METTL14: variants seen among roughly 807,000 people sequenced by gnomAD.
The protein encoded by METTL14 is N(6)-adenosine-methyltransferase non-catalytic subunit METTL14.
METTL14 carries 32 observed loss-of-function variants against 62.4 expected under a neutral mutation model. The ratio of observed to expected loss-of-function variants is 0.51; its 90% CI spans 0.39 to 0.69. The LOEUF (loss-of-function observed/expected upper bound fraction) is 0.69, where lower values mean the gene tolerates loss of function less well. METTL14 is among the 30% of genes least tolerant of loss of function. The probability of loss-of-function intolerance (pLI) is 0.00; values close to 1 mark genes in which losing one functional copy is unlikely to be tolerated. For missense variants in METTL14, 340 were observed against 551.9 expected (o/e 0.62, Z 3.85); for synonymous variants, 150 against 180.0 (o/e 0.83, Z 1.34).
At position 118,710,233 on chromosome 4, in the gene METTL14, C is replaced by T. The variant is rs930748282; in HGVS notation, c.1302C>T (p.Phe434=). ...GRGRERNRSN[F]RGERGGFRGG... ...GACGAGAAAGAAATAGATCTAACTT[C>T]CGAGGAGAAAGAGGTGGCTTTAGAG... is the stretch of plus-strand genomic sequence containing the variant. Residue 434 remains phenylalanine (F), a synonymous_variant, in exon 11 of 11, where the codon TTC becomes TTT. Coordinates refer to ENST00000388822, the MANE Select transcript of METTL14 (RefSeq NM_020961.4). 6.2e-7 allele frequency: 1 copy of T among 1,614,068 alleles called. No homozygotes were observed. Among genetic ancestry groups the T allele is most frequent in the Non-Finnish European group, 8.5e-7 (1 of 1,180,038 alleles).
Position 118,700,591 on chromosome 4 carries a change from A to G in METTL14, c.687A>G (p.Ser229=). The G allele has an allele frequency of 6.2e-7, 1 of 1,613,200 alleles. No individual in the cohort carries two copies. The highest frequency in any genetic ancestry group is 1.1e-5 in the South Asian group (1 of 91,032). Residue 229 remains serine (S), a synonymous_variant, in exon 8 of 11, where the codon TCA becomes TCG. Coordinates refer to ENST00000388822, the MANE Select transcript of METTL14 (RefSeq NM_020961.4). The part of the protein sequence containing the change: ...LEIDEIAAPR[S]FIFLWCGSGE... ...TTGATGAGATTGCAGCACCTCGATC[A>G]TTTATTTTTCTCTGGTGTGGTTCTG...
rs546956161 is a variant in METTL14 at position 118,710,885 on chromosome 4, G to C, written c.*583G>C. On this transcript the variant is annotated 3_prime_UTR_variant, in exon 11 of 11. Transcript: ENST00000388822. ...TAGGGGAGGTGGAGATTCCAGGGGT[G>C]GGTGAAAGAAGAGATAGAACTTAGC... 4.6e-5 allele frequency: 7 copies of C among 151,492 alleles called. No homozygotes were observed. The East Asian group carries it at 1.4e-3, about 29-fold the overall frequency. 9.4% of individuals were successfully genotyped at this position (151,492 alleles called of 1,614,324 possible).
rs1039435696 is a variant in METTL14, at chr4:118,713,825, A to G, written c.*3523A>G. Reference sequence around the variant, plus strand: ...TCCATTGAAGACTTCATTTCTGGAAATACCACATTGCTTCTGCTCTCAATA... The same window carrying G: ...TCCATTGAAGACTTCATTTCTGGAAGTACCACATTGCTTCTGCTCTCAATA... On this transcript the variant is annotated 3_prime_UTR_variant, in exon 11 of 11. Coordinates refer to ENST00000388822, the MANE Select transcript of METTL14 (RefSeq NM_020961.4). 8 of 152,378 alleles carry G rather than the reference A, an allele frequency of 5.3e-5. No homozygotes were observed. Among genetic ancestry groups the G allele is most frequent in the African/African-American group, 1.7e-4 (7 of 41,592 alleles). The allele number at this position is 152,378 out of a possible 1,614,324, so 9.4% of individuals were successfully genotyped here.
Position 118,697,176 on chromosome 4 carries a change from AAATAGGTACTTAC to A in METTL14, c.504-3_513del. On this transcript the variant is annotated splice_acceptor_variant and splice_polypyrimidine_tract_variant and coding_sequence_variant and intron_variant, in exon 7 of 11. Coordinates refer to ENST00000388822, the MANE Select transcript of METTL14 (RefSeq NM_020961.4). LOFTEE classifies it high-confidence loss of function. Reference sequence around the variant, plus strand: ...AAACCTCATTTTTAATGCTTTAATCAAATAGGTACTTACAAGCCGATATAGAAGCCTTTGACAT... The same window carrying A: ...AAACCTCATTTTTAATGCTTTAATCAAAGCCGATATAGAAGCCTTTGACAT... The A allele has an allele frequency of 6.4e-7, 1 of 1,573,116 alleles. No homozygotes were observed. Among genetic ancestry groups the A allele is most frequent in the Non-Finnish European group, 8.6e-7 (1 of 1,167,668 alleles).
intron 8 of METTL14, among the ~76,000 whole-genome samples, chr4:118,701,973 C>T (rs572386068): frequency 1.2e-3 from 182 of 152,164 alleles, no homozygotes; most frequent in African/African-American, 4.2e-3. Context: ...GGTGTTGGCT[C>T]TTCAAGATGC....
At position 118,713,242 on chromosome 4, in the gene METTL14, G is replaced by T. The variant is rs1429036609; in HGVS notation, c.*2940G>T. ...TCTCCCTTATTCTGAGGCCAGGTCAGTGATATGCTATAGTTTCATTTAAGT... is the reference window on the plus strand; with the variant it reads ...TCTCCCTTATTCTGAGGCCAGGTCATTGATATGCTATAGTTTCATTTAAGT... On this transcript the variant is annotated 3_prime_UTR_variant, in exon 11 of 11. Transcript: ENST00000388822. The T allele has an allele frequency of 6.6e-6, 1 of 152,214 alleles. No homozygotes were observed. The highest frequency in any genetic ancestry group is 1.5e-5 in the Non-Finnish European group (1 of 68,048). The allele number at this position is 152,214 out of a possible 1,614,324, so 9.4% of individuals were successfully genotyped here.
rs1579080653 is a variant in METTL14, at chr4:118,712,650, A to G, written c.*2348A>G. The G allele has an allele frequency of 6.6e-6, 1 of 152,138 alleles. No individual in the cohort carries two copies. Among genetic ancestry groups the G allele is most frequent in the African/African-American group, 2.4e-5 (1 of 41,426 alleles). 9.4% of individuals were successfully genotyped at this position (152,138 alleles called of 1,614,324 possible). ...AAAAAAAAAAAATTGTATAGAAATA[A>G]ATTTTTAGTTGCTTTATGCACTAAT... On this transcript the variant is annotated 3_prime_UTR_variant, in exon 11 of 11. Transcript: ENST00000388822.
rs1725003354 is a variant in METTL14, at chr4:118,714,555, T to C, written c.*4253T>C. 6.6e-6 allele frequency: 1 copy of C among 152,224 alleles called. No individual in the cohort carries two copies. The highest frequency in any genetic ancestry group is 6.5e-5 in the Admixed American group (1 of 15,280). 9.4% of individuals were successfully genotyped at this position (152,224 alleles called of 1,614,324 possible). A position where few individuals can be genotyped will look rare whatever the true frequency, so the allele number is the denominator to read the frequency against. ...TGCATTCATAGAACTAAAAAAAATTTAACTTGGCTAACAAAATACCACATG... is the reference window on the plus strand; with the variant it reads ...TGCATTCATAGAACTAAAAAAAATTCAACTTGGCTAACAAAATACCACATG... On this transcript the variant is annotated 3_prime_UTR_variant, in exon 11 of 11. Transcript: ENST00000388822.
At chr4:118,705,485 A>G in intron 9 of METTL14, 126 bp from the exon 10 acceptor site, 1 of 791,592 alleles carries the variant, frequency 1.3e-6, no homozygotes, top group Admixed American at 2.5e-5. Flanking sequence ...AAAAGAAGAG[A>G]AATAACTGTA....
chr4:118,685,777 C>T (rs182366498), intron 1 of METTL14, among the ~76,000 whole-genome samples, 177 bp downstream of exon 1: 40 of 152,110 alleles, frequency 2.6e-4, no homozygotes, highest in African/African-American at 9.2e-4. Flanking sequence ...TCGCGGTGTC[C>T]CGAATGTTTT....
At chr4:118,702,999 T>C (rs959548880) in intron 8 of METTL14, among the ~76,000 whole-genome samples, 1 of 149,518 alleles carries the variant, frequency 6.7e-6, no homozygotes, top group Non-Finnish European at 1.5e-5. Context: ...CTGGGATACA[T>C]GTGCAGAACG....
At position 118,712,312 on chromosome 4, in the gene METTL14, C is replaced by G. The variant is rs1560887492; in HGVS notation, c.*2010C>G. On this transcript the variant is annotated 3_prime_UTR_variant, in exon 11 of 11. Coordinates refer to ENST00000388822, the MANE Select transcript of METTL14 (RefSeq NM_020961.4). ...GTCTTCTTTATATTTACATGTCTTACATTCCACAAAATTATTTAGAAATGC... is the reference window on the plus strand; with the variant it reads ...GTCTTCTTTATATTTACATGTCTTAGATTCCACAAAATTATTTAGAAATGC... 1 of 152,262 alleles carries G rather than the reference C, an allele frequency of 6.6e-6. No individual in the cohort carries two copies. The highest frequency in any genetic ancestry group is 1.9e-4 in the East Asian group (1 of 5,178). The allele number at this position is 152,262 out of a possible 1,614,324, so 9.4% of individuals were successfully genotyped here. A position where few individuals can be genotyped will look rare whatever the true frequency, so the allele number is the denominator to read the frequency against.
Position 118,700,603 on chromosome 4 carries a change from C to G in METTL14, c.699C>G (p.Leu233=). 1 of 1,612,852 alleles carries G rather than the reference C, an allele frequency of 6.2e-7. No individual in the cohort carries two copies. The highest frequency in any genetic ancestry group is 8.5e-7 in the Non-Finnish European group (1 of 1,179,230). The change falls in exon 8 of 11, where the codon CTC becomes CTG. Residue 233 remains leucine (L), a synonymous_variant. Coordinates refer to ENST00000388822, the MANE Select transcript of METTL14 (RefSeq NM_020961.4). ...CAGCACCTCGATCATTTATTTTTCT[C>G]TGGTGTGGTTCTGGGGAGGGGTTGG... ...EIAAPRSFIF[L]WCGSGEGLDL... is the part of the protein sequence containing the mutation.
In METTL14 at chr4:118,710,044, A is replaced by T; in HGVS notation, c.1113A>T (p.Ala371=). The stretch of plus-strand genomic sequence containing the variant: ...CGCTTACAAATAGCAACTACAATGC[A>T]GAAACATATGCATCCTATTTCAGTG... The part of the protein sequence containing the change: ...GPTLTNSNYN[A]ETYASYFSAP... Residue 371 remains alanine, a synonymous_variant, in exon 11 of 11, where the codon GCA becomes GCT. Coordinates refer to ENST00000388822, the MANE Select transcript of METTL14 (RefSeq NM_020961.4). 1 of 1,614,150 alleles carries T rather than the reference A, an allele frequency of 6.2e-7. No homozygotes were observed. The highest frequency in any genetic ancestry group is 8.5e-7 in the Non-Finnish European group (1 of 1,180,016).
intron 9 of METTL14, among the ~76,000 whole-genome samples, chr4:118,705,295 C>T (rs942603959): frequency 6.6e-6 from 1 of 151,874 alleles, no homozygotes; most frequent in African/African-American, 2.4e-5. Context: ...AGCAACATGG[C>T]GAGACCCTGT....
chr4:118,707,914 A>T (rs983729625), intron 10 of METTL14, among the ~76,000 whole-genome samples: 1 of 150,450 alleles, frequency 6.6e-6, no homozygotes, highest in Non-Finnish European at 1.5e-5. Context: ...GCTCACTGCA[A>T]CCCCCGCCTC....
At chr4:118,708,331 T>C (rs1162549439) in intron 10 of METTL14, among the ~76,000 whole-genome samples, 1 of 152,214 alleles carries the variant, frequency 6.6e-6, no homozygotes. Context: ...CTTTAAATTT[T>C]CTGTTTCTTA....
chr4:118,705,916 T>G (rs1223309756), intron 10 of METTL14, 95 bp downstream of exon 10: 1 of 953,080 alleles, frequency 1.0e-6, no homozygotes, highest in African/African-American at 1.7e-5. Flanking sequence ...TTCTTATGCA[T>G]TTGATTCCTT....
intron 6 of METTL14, among the ~76,000 whole-genome samples, chr4:118,695,671 T>A (rs1724387083): frequency 6.6e-6 from 1 of 152,206 alleles, no homozygotes; most frequent in African/African-American, 2.4e-5. Flanking sequence ...AGCTTAGCAT[T>A]CTGAGATACT....
Sources: allele counts gnomAD v4.1 joint callset (sites outside exome capture counted in the v4.1 genomes callset), GRCh38; gene constraint gnomAD v4.1.1; transcripts MANE v1.5; gene names NCBI Gene and HGNC (gene_info 2026-07-23, HGNC 2026-07-21).